The following KIAA0586 variants were observed in gnomAD, a reference collection of about 807,000 sequenced individuals.
KIAA0586 encodes the protein KIAA0586.
In KIAA0586, 144 loss-of-function variants were observed where a neutral mutation model predicts 169.8. That is an observed-to-expected ratio of 0.85 (90% confidence interval 0.74 to 0.97). KIAA0586 has a LOEUF of 0.97. Ranked by LOEUF, KIAA0586 falls within the 50% of genes least tolerant of loss-of-function variation. The probability of loss-of-function intolerance (pLI) is 0.00; values close to 1 mark genes in which losing one functional copy is unlikely to be tolerated. For missense variants in KIAA0586, 1,854 were observed against 1,823.0 expected, an observed-to-expected ratio of 1.02 and a Z score of -0.31; for synonymous variants, 625 against 612.4, an observed-to-expected ratio of 1.02 and a Z score of -0.30.
At chr14:58,507,807 C>T (rs979396676) in intron 27 of KIAA0586, among the ~76,000 whole-genome samples, 3 of 151,086 alleles carry the variant, frequency 2.0e-5, no homozygotes, top group South Asian at 2.1e-4. Flanking sequence ...TATTTAGAGA[C>T]GAGGTCTCAT....
chr14:58,561,978 A>T, the KIAA0586 span, among the ~76,000 whole-genome samples: 1 of 152,196 alleles, frequency 6.6e-6, no homozygotes, highest in Non-Finnish European at 1.5e-5. Flanking sequence ...AGGGACTCCA[A>T]CTTTCCTTGG....
the KIAA0586 span, among the ~76,000 whole-genome samples, chr14:58,559,073 T>G: frequency 6.6e-6 from 1 of 152,230 alleles, no homozygotes; most frequent in African/African-American, 2.4e-5. Flanking sequence ...CCCTTCTAGA[T>G]TGGAAGGACA....
Position 58,477,162 on chromosome 14 carries a change from C to G in KIAA0586, c.2865C>G (p.Leu955=). 3 of 1,581,088 alleles carry G rather than the reference C, an allele frequency of 1.9e-6. No homozygotes were observed. The South Asian group carries it at 3.5e-5, about 18-fold the overall frequency. Residue 955 remains leucine, a synonymous_variant, in exon 20 of 31, where the codon CTC becomes CTG. Transcript: ENST00000652326. ...QEIMSRIISG[L]FPVQQQIAPS... ...TAATGTCAAGAATTATCTCTGGGCT[C>G]TTTCCAGTCCAGCAACAGATTGCAC... is the stretch of plus-strand genomic sequence containing the variant.
At chr14:58,433,978 G>A (rs1304416833) in intron 4 of KIAA0586, among the ~76,000 whole-genome samples, 1 of 152,118 alleles carries the variant, frequency 6.6e-6, no homozygotes, top group Non-Finnish European at 1.5e-5. Flanking sequence ...CAGCCTGGGT[G>A]ACAGAATGAG....
chr14:58,470,876 G>C lies in KIAA0586; in HGVS notation c.2553+153G>C, dbSNP rs2041163765. ...AAAACAATTTTTTTTTTTTCAGTCA[G>C]AGTCTTGCTCTGTCGCCCAGGCTGG... On this transcript the variant is annotated intron_variant, in intron 17 of 30. Transcript: ENST00000652326. Among the ~76,000 whole-genome samples the C allele has an allele frequency of 2.0e-5, 3 of 151,252 alleles. No individual in the cohort carries two copies. The South Asian group carries it at 6.3e-4, about 32-fold the overall frequency.
At chr14:58,543,876 A>C (rs1251561653) in intron 30 of KIAA0586, 1 of 447,260 alleles carries the variant, frequency 2.2e-6, no homozygotes, top group South Asian at 1.6e-5. Context: ...TTTAACTTTT[A>C]TTTTAGGTTT....
intron 12 of KIAA0586, among the ~76,000 whole-genome samples, chr14:58,459,089 G>C (rs1266774572): frequency 6.6e-6 from 1 of 152,076 alleles, no homozygotes; most frequent in African/African-American, 2.4e-5. Context: ...TTATATATTT[G>C]AGTGAGCGGA....
At chr14:58,468,672 C>G (rs559161726) in intron 16 of KIAA0586, among the ~76,000 whole-genome samples, 5 of 152,312 alleles carry the variant, frequency 3.3e-5, no homozygotes, top group African/African-American at 1.2e-4. Flanking sequence ...AAGCTGAGGT[C>G]TTCACTAGGT....
rs779345797 is a variant in KIAA0586, at chr14:58,459,903, A to C, written c.1717A>C (p.Lys573Gln). 2.0e-6 allele frequency: 3 copies of C among 1,534,222 alleles called. No individual in the cohort carries two copies. Among genetic ancestry groups the C allele is most frequent in the Middle Eastern group, 3.5e-4 (2 of 5,714 alleles). ...ATTTGATCAGAAGAATCAGAGAACC[A>C]AGAAAGGTCAGAATATGACTAAAGA... Reference protein sequence around the residue: ...KRFDQKNQRTKKGQNMTKDIR... With the variant: ...KRFDQKNQRTQKGQNMTKDIR... Residue 573 changes from lysine (K) to glutamine (Q), a missense_variant, in exon 13 of 31, where the codon AAG becomes CAG. Physicochemically the swap from Lys to Gln is moderately conservative, Grantham distance 53. Coordinates refer to ENST00000652326, the MANE Select transcript of KIAA0586 (RefSeq NM_001329943.3).
chr14:58,529,642 A>G (rs908358777), intron 29 of KIAA0586, among the ~76,000 whole-genome samples: 3 of 152,184 alleles, frequency 2.0e-5, no homozygotes, highest in Non-Finnish European at 2.9e-5. Flanking sequence ...AAAGGCCTTC[A>G]GTAAAATTCA....
intron 29 of KIAA0586, chr14:58,521,412 C>T (rs553987380): frequency 1.8e-5 from 15 of 825,370 alleles, no homozygotes; most frequent in Admixed American, 3.5e-5. Flanking sequence ...GAGAAATGCC[C>T]GGGCCGCTGT....
At chr14:58,552,543 C>T (rs560264820), downstream of KIAA0586, among the ~76,000 whole-genome samples, 6 of 152,152 alleles carry the variant, frequency 3.9e-5, no homozygotes, top group Non-Finnish European at 7.3e-5. Flanking sequence ...TTTATAATTT[C>T]AGCCATAGTG....
chr14:58,527,374 G>A (rs2045660446), intron 29 of KIAA0586, among the ~76,000 whole-genome samples: 1 of 152,172 alleles, frequency 6.6e-6, no homozygotes, highest in African/African-American at 2.4e-5. Flanking sequence ...GATATTCCTT[G>A]AGAAGAGCAA....
At chr14:58,467,613 G>A in intron 15 of KIAA0586, 122 bp from the exon 16 acceptor site, 1 of 691,392 alleles carries the variant, frequency 1.4e-6, no homozygotes, top group East Asian at 2.5e-5. Flanking sequence ...TGGAGGGAGG[G>A]GTGATTGTCA....
intron 26 of KIAA0586, among the ~76,000 whole-genome samples, chr14:58,496,419 G>A (rs1405848948): frequency 6.6e-6 from 1 of 152,180 alleles, no homozygotes; most frequent in Non-Finnish European, 1.5e-5. Flanking sequence ...ACTGTAGACT[G>A]TCAGAGTAAT....
At chr14:58,555,095 CTTTCTTTTT>C (rs1210539603), downstream of KIAA0586, among the ~76,000 whole-genome samples, 2 of 113,478 alleles carry the variant, frequency 1.8e-5, no homozygotes, top group African/African-American at 6.7e-5. Context: ...CTTTTTCTTT[CTTTCTTTTT>C]TTTTTTTTTT....
chr14:58,487,933 C>A lies in KIAA0586; in HGVS notation c.3351C>A (p.Thr1117=), dbSNP rs1037206978. The change falls in exon 23 of 31, where the codon ACC becomes ACA. Residue 1117 remains threonine, a synonymous_variant. Coordinates refer to ENST00000652326, the MANE Select transcript of KIAA0586 (RefSeq NM_001329943.3). ...TGCTTGTTAATACTCCAACAGTTACCCCTACTACTACACCTCCTCCAGCGG... is the reference window on the plus strand; with the variant it reads ...TGCTTGTTAATACTCCAACAGTTACACCTACTACTACACCTCCTCCAGCGG... The part of the protein sequence containing the change: ...AIMLVNTPTV[T]PTTTPPPAAA... The A allele has an allele frequency of 1.9e-6, 3 of 1,613,446 alleles. No individual in the cohort carries two copies. The highest frequency in any genetic ancestry group is 2.7e-5 in the African/African-American group (2 of 74,822).
chr14:58,524,648 G>A (rs2045456157), intron 29 of KIAA0586, among the ~76,000 whole-genome samples: 2 of 152,172 alleles, frequency 1.3e-5, no homozygotes, highest in Non-Finnish European at 2.9e-5. Context: ...ACCAGCTGGT[G>A]ACCCTGGGTG....
chr14:58,530,347 A>G (rs530666873), intron 29 of KIAA0586, among the ~76,000 whole-genome samples: 50 of 152,352 alleles, frequency 3.3e-4, no homozygotes, highest in African/African-American at 1.2e-3. Context: ...ACTACTTTAA[A>G]TTTCATATGG....
Sources: gnomAD v4.1 joint callset for allele counts (sites outside exome capture counted in the v4.1 genomes callset) on GRCh38, gnomAD v4.1.1 for gene constraint, MANE v1.5 for transcripts, NCBI Gene and HGNC (gene_info 2026-07-23, HGNC 2026-07-21) for gene names.